CBR4: variants seen among roughly 807,000 people sequenced by gnomAD.
CBR4 encodes the protein 3-oxoacyl-[acyl-carrier-protein] reductase.
CBR4 carries 22 observed loss-of-function variants against 21.0 expected under a neutral mutation model. The ratio of observed to expected loss-of-function variants is 1.05; its 90% CI spans 0.75 to 1.50. CBR4 has a LOEUF of 1.50. CBR4 is among the 40% of genes most tolerant of loss of function. The pLI is 0.00. For synonymous variants in CBR4, 100 were observed against 104.4 expected, an observed-to-expected ratio of 0.96 and a Z score of 0.26; for missense variants, 302 against 286.3, an observed-to-expected ratio of 1.05 and a Z score of -0.40.
rs538258308 is a variant in CBR4 at position 169,006,764 on chromosome 4, C to G, written c.391G>C (p.Val131Leu). Residue 131 changes from valine (V) to leucine (L), a missense_variant, in exon 3 of 5, where the codon GTT becomes CTT. Val to Leu is a conservative substitution (Grantham distance 32). Coordinates refer to ENST00000306193, the MANE Select transcript of CBR4 (RefSeq NM_032783.5). ...TMIQQQGGSI[V>L]NVGSIVGLKG... ...AAAGGTGAAGACTCACCTACATTAACAATAGACCCTCCCTGTTGTTGAATC... is the reference window on the plus strand; with the variant it reads ...AAAGGTGAAGACTCACCTACATTAAGAATAGACCCTCCCTGTTGTTGAATC... The G allele has an allele frequency of 1.2e-6, 2 of 1,613,610 alleles. No individual in the cohort carries two copies. The highest frequency in any genetic ancestry group is 1.7e-6 in the Non-Finnish European group (2 of 1,179,648).
chr4:168,944,139 T>C (rs1763335856), intron 2 of CBR4, among the ~76,000 whole-genome samples: 1 of 152,098 alleles, frequency 6.6e-6, no homozygotes, highest in East Asian at 1.9e-4. Context: ...TTTTATGAGT[T>C]CACTCATAAA....
At chr4:168,951,454 G>A (rs956293402) in intron 2 of CBR4, among the ~76,000 whole-genome samples, 1 of 152,202 alleles carries the variant, frequency 6.6e-6, no homozygotes, top group Admixed American at 6.5e-5. Flanking sequence ...TTTGTTGCCT[G>A]TGTACTGTGG....
chr4:168,976,086 T>G (rs1764362809), intron 2 of CBR4, among the ~76,000 whole-genome samples: 2 of 152,226 alleles, frequency 1.3e-5, no homozygotes, highest in Non-Finnish European at 2.9e-5. Context: ...CTGCATCTTC[T>G]GCGCTCATAT....
chr4:168,926,748 T>C (rs1220695703), intron 2 of CBR4: 2 of 256,092 alleles, frequency 7.8e-6, no homozygotes, highest in Admixed American at 1.0e-4. Context: ...TGTAGCCTGA[T>C]AGTGTGAAAT....
At chr4:168,940,589 T>C (rs1413269004) in intron 2 of CBR4, among the ~76,000 whole-genome samples, 2 of 150,904 alleles carry the variant, frequency 1.3e-5, no homozygotes, top group Non-Finnish European at 3.0e-5. Context: ...TAAACAAATT[T>C]ACAAGAAAAA....
Position 168,921,713 on chromosome 4 carries a change from C to T in CBR4, n.170-26948G>A. 6.2e-7 allele frequency: 1 copy of T among 1,611,612 alleles called. No individual in the cohort carries two copies. Among genetic ancestry groups the T allele is most frequent in the Non-Finnish European group, 8.5e-7 (1 of 1,179,768 alleles). ...TAGCTACCAACCGAGCAGGACAGAA[C>T]TCATTCAGCCTGGAGCTTGTGGTTG... On this transcript the variant is annotated intron_variant and non_coding_transcript_variant, in intron 2 of 3. Transcript: ENST00000509108.
intron 2 of CBR4, chr4:168,903,925 C>T: frequency 6.2e-7 from 1 of 1,610,830 alleles, no homozygotes; most frequent in Non-Finnish European, 8.5e-7. Flanking sequence ...GGGTATAGGT[C>T]TGGGCTCAGT....
chr4:168,939,723 A>G (rs563020851), intron 2 of CBR4, among the ~76,000 whole-genome samples: 1 of 152,282 alleles, frequency 6.6e-6, no homozygotes, highest in African/African-American at 2.4e-5. Flanking sequence ...TAGGAACCCA[A>G]CTTACAAGGG....
intron 2 of CBR4, chr4:168,898,773 AAAAC>A: frequency 9.6e-7 from 1 of 1,041,562 alleles, no homozygotes; most frequent in Non-Finnish European, 1.5e-6. Flanking sequence ...TTTAGCTTCC[AAAAC>A]ATAGCATGCC....
At chr4:168,980,069 C>A (rs1764497390) in intron 2 of CBR4, among the ~76,000 whole-genome samples, 2 of 152,040 alleles carry the variant, frequency 1.3e-5, no homozygotes, top group South Asian at 4.2e-4. Context: ...CCCTGGGGTG[C>A]AACCAAAAGA....
chr4:168,939,394 A>C (rs980292247), intron 2 of CBR4, among the ~76,000 whole-genome samples: 1 of 152,200 alleles, frequency 6.6e-6, no homozygotes, highest in African/African-American at 2.4e-5. Flanking sequence ...GCACAAGACA[A>C]GAACGCCCAC....
Position 168,903,766 on chromosome 4 carries a change from T to C in CBR4, n.170-9001A>G, listed in dbSNP as rs1160463247. 3.7e-6 allele frequency: 6 copies of C among 1,611,546 alleles called. No individual in the cohort carries two copies. The African/African-American group carries it at 6.7e-5, about 18-fold the overall frequency. On this transcript the variant is annotated intron_variant and non_coding_transcript_variant, in intron 2 of 3. Coordinates refer to the CBR4 transcript ENST00000509108. ...TTGTTTCTATTCACAGATCTATTGG[T>C]TTAAAGATGGGAAGCAGATCTCTCC... is the stretch of plus-strand genomic sequence containing the variant.
chr4:168,939,107 G>T (rs1763190493), intron 2 of CBR4, among the ~76,000 whole-genome samples: 1 of 152,188 alleles, frequency 6.6e-6, no homozygotes, highest in African/African-American at 2.4e-5. Context: ...CCACGATCAA[G>T]TCGACTTCAT....
At chr4:168,984,045 A>G (rs1248679679), downstream of CBR4, among the ~76,000 whole-genome samples, 4 of 152,194 alleles carry the variant, frequency 2.6e-5, no homozygotes, top group Non-Finnish European at 4.4e-5. Flanking sequence ...ATAATATTAT[A>G]AGTCCTAGCC....
chr4:168,930,010 G>C (rs1455411197), intron 2 of CBR4, among the ~76,000 whole-genome samples: 1 of 151,964 alleles, frequency 6.6e-6, no homozygotes, highest in Non-Finnish European at 1.5e-5. Flanking sequence ...TATGAATGTA[G>C]GCAACAAAAC....
intron 2 of CBR4, chr4:168,894,811 A>C: frequency 1.5e-4 from 210 of 1,436,070 alleles, no homozygotes; most frequent in Non-Finnish European, 1.8e-4. Context: ...TATTAATATC[A>C]TCAGTCAACC....
chr4:168,914,614 T>G, intron 2 of CBR4, among the ~76,000 whole-genome samples: 1 of 152,174 alleles, frequency 6.6e-6, no homozygotes, highest in East Asian at 1.9e-4. Flanking sequence ...TAGGCAGAGA[T>G]AGAGAAAGGA....
intron 1 of CBR4, among the ~76,000 whole-genome samples, chr4:169,008,033 C>G (rs1054515499): frequency 6.6e-6 from 1 of 152,164 alleles, no homozygotes; most frequent in African/African-American, 2.4e-5. Flanking sequence ...TATAAAGGCT[C>G]TGTAAGATTC....
At chr4:168,899,550 TAACC>T (rs1173456799) in intron 2 of CBR4, among the ~76,000 whole-genome samples, 2 of 152,102 alleles carry the variant, frequency 1.3e-5, no homozygotes, top group Non-Finnish European at 2.9e-5. Context: ...TGTGAAGAAA[TAACC>T]ATGAGGAGAG....
Sources: gnomAD v4.1 joint callset for allele counts (sites outside exome capture counted in the v4.1 genomes callset) on GRCh38, gnomAD v4.1.1 for gene constraint, MANE v1.5 for transcripts, NCBI Gene and HGNC (gene_info 2026-07-23, HGNC 2026-07-21) for gene names.